Variants in ARHGAP15 observed in about 807,000 individuals in gnomAD.
ARHGAP15 encodes Rho GTPase activating protein 15, also known as rho GTPase-activating protein 15.
Under a neutral mutation model 63.7 loss-of-function variants are expected in ARHGAP15, and 51 were observed. The observed-to-expected ratio is 0.80, with a 90% confidence interval of 0.64 to 1.01. ARHGAP15 has a LOEUF of 1.01. Among genes scored for constraint, ARHGAP15 ranks in the 50% least tolerant of loss-of-function variants. ARHGAP15 has a pLI of 0.00. For missense variants in ARHGAP15, 560 were observed against 564.6 expected (o/e 0.99, Z 0.08); for synonymous variants, 191 against 193.8 (o/e 0.99, Z 0.12).
At position 143,463,279 on chromosome 2, in the gene ARHGAP15, C is replaced by T. The variant is rs542163900; in HGVS notation, c.704-24094C>T. Among the ~76,000 whole-genome samples the T allele has an allele frequency of 8.5e-5, 13 of 152,106 alleles. 1 individual carries two copies. The South Asian group carries it at 1.2e-3, about 15-fold the overall frequency. On this transcript the variant is annotated intron_variant, in intron 8 of 13. Coordinates refer to ENST00000295095, the MANE Select transcript of ARHGAP15 (RefSeq NM_018460.4). ...ATTATAGGCCGGGTGCGGTGGCTCA[C>T]GCCTGTAATCCCAGCACTTTGGGAG...
intron 3 of ARHGAP15, among the ~76,000 whole-genome samples, chr2:143,215,676 G>T (rs1489969995): frequency 6.6e-6 from 1 of 152,138 alleles, no homozygotes; most frequent in African/African-American, 2.4e-5. Context: ...TACAGACTTT[G>T]CAGGGAGTCA....
intron 11 of ARHGAP15, among the ~76,000 whole-genome samples, chr2:143,599,248 A>C (rs1367413923): frequency 6.6e-6 from 1 of 152,204 alleles, no homozygotes; most frequent in Non-Finnish European, 1.5e-5. Context: ...AAGGAAGAAC[A>C]AAAAACCATG....
intron 8 of ARHGAP15, among the ~76,000 whole-genome samples, chr2:143,483,444 T>C (rs1692167473): frequency 6.6e-6 from 1 of 152,164 alleles, no homozygotes; most frequent in South Asian, 2.1e-4. Flanking sequence ...AATGGCAAGG[T>C]TTTTGAGGTG....
chr2:143,202,445 G>T (rs1272735381), intron 3 of ARHGAP15, among the ~76,000 whole-genome samples: 1 of 152,086 alleles, frequency 6.6e-6, no homozygotes, highest in Non-Finnish European at 1.5e-5. Flanking sequence ...CACTTATGTG[G>T]TTGTTGGCTG....
At chr2:143,559,376 T>C (rs77368279) in intron 11 of ARHGAP15, among the ~76,000 whole-genome samples, 3,520 of 152,286 alleles carry the variant, frequency 0.023, 147 homozygotes, top group African/African-American at 0.08. Flanking sequence ...GAATTGACAA[T>C]GTAAGGCTGG....
chr2:143,505,266 C>T (rs1226996885), intron 9 of ARHGAP15, among the ~76,000 whole-genome samples: 1 of 152,178 alleles, frequency 6.6e-6, no homozygotes, highest in African/African-American at 2.4e-5. Flanking sequence ...TTCTCTAAGT[C>T]CCCTCCCTCC....
chr2:143,264,534 C>T (rs973403315), intron 6 of ARHGAP15, among the ~76,000 whole-genome samples: 1 of 152,024 alleles, frequency 6.6e-6, no homozygotes, highest in Non-Finnish European at 1.5e-5. Context: ...AATAGCCACC[C>T]TGGTATATGA....
At chr2:143,291,434 G>A (rs764902449) in intron 6 of ARHGAP15, among the ~76,000 whole-genome samples, 7 of 104,588 alleles carry the variant, frequency 6.7e-5, no homozygotes, top group African/African-American at 2.1e-4. Flanking sequence ...ACACACTCAG[G>A]CACATACATT....
At chr2:143,592,717 C>G (rs1436022069) in intron 11 of ARHGAP15, among the ~76,000 whole-genome samples, 1 of 152,198 alleles carries the variant, frequency 6.6e-6, no homozygotes, top group East Asian at 1.9e-4. Flanking sequence ...CCCTTGGACA[C>G]TTAGCTTATG....
At chr2:143,343,825 A>G (rs568967806) in intron 6 of ARHGAP15, among the ~76,000 whole-genome samples, 2 of 152,216 alleles carry the variant, frequency 1.3e-5, no homozygotes, top group East Asian at 3.9e-4. Context: ...ACACTAATCT[A>G]GGTTACTCCT....
At chr2:143,515,976 G>A (rs4662337) in intron 9 of ARHGAP15, among the ~76,000 whole-genome samples, 2 of 151,678 alleles carry the variant, frequency 1.3e-5, no homozygotes, top group African/African-American at 2.4e-5. Flanking sequence ...TTTCATTCCC[G>A]AAAATGCTCT....
chr2:143,134,648 T>C (rs1399065162), intron 1 of ARHGAP15, among the ~76,000 whole-genome samples: 1 of 150,046 alleles, frequency 6.7e-6, no homozygotes, highest in Non-Finnish European at 1.5e-5. Context: ...TTTTTTTTTT[T>C]TTTTGAGACG....
chr2:143,406,971 A>C (rs1470399782), intron 6 of ARHGAP15, among the ~76,000 whole-genome samples: 1 of 151,946 alleles, frequency 6.6e-6, no homozygotes, highest in East Asian at 1.9e-4. Context: ...TGGTGGATTT[A>C]CTGTCCGTAT....
intron 11 of ARHGAP15, chr2:143,606,893 G>A (rs1698058446): frequency 6.6e-6 from 1 of 152,138 alleles, no homozygotes; most frequent in African/African-American, 2.4e-5. Context: ...ACATAGTGAA[G>A]GGGAAAGTTA....
chr2:143,443,702 T>C lies in ARHGAP15; in HGVS notation c.703+6660T>C, dbSNP rs549401731. ...CATTTATGTTGTTAAAGCTGCAAGATGTAAACATCATGAGAGGAAAAGAGT... is the reference window on the plus strand; with the variant it reads ...CATTTATGTTGTTAAAGCTGCAAGACGTAAACATCATGAGAGGAAAAGAGT... On this transcript the variant is annotated intron_variant, in intron 8 of 13. Coordinates refer to ENST00000295095, the MANE Select transcript of ARHGAP15 (RefSeq NM_018460.4). Among the ~76,000 whole-genome samples, 25 of 152,304 alleles carry C rather than the reference T, an allele frequency of 1.6e-4. 1 individual carries two copies. The highest frequency in any genetic ancestry group is 4.6e-4 in the African/African-American group (19 of 41,580).
intron 10 of ARHGAP15, among the ~76,000 whole-genome samples, chr2:143,537,790 T>C (rs184806469): frequency 5.3e-5 from 8 of 152,134 alleles, no homozygotes; most frequent in African/African-American, 1.9e-4. Context: ...AGCCTTGTAG[T>C]GTAGTTTGAA....
At chr2:143,332,327 G>A (rs1427024009) in intron 6 of ARHGAP15, among the ~76,000 whole-genome samples, 1 of 151,910 alleles carries the variant, frequency 6.6e-6, no homozygotes, top group African/African-American at 2.4e-5. Context: ...TCGTCTCGAT[G>A]GTGAGATATA....
intron 12 of ARHGAP15, among the ~76,000 whole-genome samples, chr2:143,687,631 C>T (rs772205764): frequency 2.6e-5 from 4 of 152,180 alleles, no homozygotes; most frequent in Non-Finnish European, 4.4e-5. Flanking sequence ...TTAACTGCAA[C>T]AGAAATACCT....
chr2:143,156,534 G>A (rs1411899916), intron 2 of ARHGAP15, among the ~76,000 whole-genome samples: 2 of 151,762 alleles, frequency 1.3e-5, no homozygotes, highest in Non-Finnish European at 2.9e-5. Flanking sequence ...AATATCATAG[G>A]GGCCTATGAA....
Sources: allele counts gnomAD v4.1 joint callset (sites outside exome capture counted in the v4.1 genomes callset), GRCh38; gene constraint gnomAD v4.1.1; transcripts MANE v1.5; gene names NCBI Gene and HGNC (gene_info 2026-07-23, HGNC 2026-07-21).